BNC2: variants seen among roughly 807,000 people sequenced by gnomAD.
BNC2 encodes zinc finger protein basonuclin-2.
BNC2 carries 20 observed loss-of-function variants against 76.3 expected under a neutral mutation model. The ratio of observed to expected loss-of-function variants is 0.26; its 90% CI spans 0.18 to 0.38. BNC2 has a LOEUF of 0.38. Among genes scored for constraint, BNC2 ranks in the 10% least tolerant of loss-of-function variants. BNC2 has a pLI of 1.00. For missense variants in BNC2, 1,382 were observed against 1,399.8 expected (o/e 0.99, Z 0.20); for synonymous variants, 582 against 514.8 (o/e 1.13, Z -1.77).
At chr9:16,825,670 G>C (rs191723508) in intron 1 of BNC2, among the ~76,000 whole-genome samples, 5 of 152,212 alleles carry the variant, frequency 3.3e-5, no homozygotes, top group East Asian at 1.9e-4. Flanking sequence ...TTCTCCTATG[G>C]AGTGAGACTA....
At chr9:16,477,865 G>GA (rs1651368785) in intron 5 of BNC2, among the ~76,000 whole-genome samples, 1 of 152,146 alleles carries the variant, frequency 6.6e-6, no homozygotes, top group Admixed American at 6.5e-5. Flanking sequence ...GCAACTCATA[G>GA]AACAAAGGGG....
chr9:16,439,428 C>T (rs1226423890), intron 5 of BNC2, among the ~76,000 whole-genome samples: 1 of 152,058 alleles, frequency 6.6e-6, no homozygotes, highest in Non-Finnish European at 1.5e-5. Context: ...ATTGTGTGAT[C>T]CTAGACCAGA....
intron 1 of BNC2, among the ~76,000 whole-genome samples, chr9:16,770,550 G>T (rs2135454787): frequency 6.6e-6 from 1 of 152,144 alleles, no homozygotes; most frequent in South Asian, 2.1e-4. Context: ...TACCCACAAT[G>T]ACCATGGTAA....
At chr9:16,861,402 A>G (rs888662951) in intron 1 of BNC2, among the ~76,000 whole-genome samples, 2 of 152,058 alleles carry the variant, frequency 1.3e-5, no homozygotes, top group African/African-American at 2.4e-5. Flanking sequence ...AGAATAGGAT[A>G]AAGTATTTGC....
At chr9:16,791,502 T>C (rs1817510673) in intron 1 of BNC2, among the ~76,000 whole-genome samples, 1 of 152,168 alleles carries the variant, frequency 6.6e-6, no homozygotes, top group Admixed American at 6.5e-5. Flanking sequence ...CAAATACAAA[T>C]TATTTTAGAA....
At chr9:16,484,913 T>C (rs1217422492) in intron 5 of BNC2, among the ~76,000 whole-genome samples, 1 of 152,192 alleles carries the variant, frequency 6.6e-6, no homozygotes, top group African/African-American at 2.4e-5. Context: ...TACACATCCA[T>C]ATGTGAAGCT....
intron 3 of BNC2, among the ~76,000 whole-genome samples, chr9:16,617,019 T>C (rs1820725197): frequency 6.6e-6 from 1 of 152,186 alleles, no homozygotes; most frequent in African/African-American, 2.4e-5. Context: ...GTTTTGTGAA[T>C]TACAACAGGT....
At chr9:16,497,556 C>G (rs1300325739) in intron 5 of BNC2, among the ~76,000 whole-genome samples, 2 of 152,118 alleles carry the variant, frequency 1.3e-5, no homozygotes, top group Non-Finnish European at 2.9e-5. Context: ...GATCTCTGCT[C>G]TCATGGACCT....
At chr9:16,493,686 A>T (rs909584830) in intron 5 of BNC2, among the ~76,000 whole-genome samples, 6 of 152,230 alleles carry the variant, frequency 3.9e-5, no homozygotes, top group Non-Finnish European at 7.3e-5. Flanking sequence ...GCAAAAGGAT[A>T]AAAGTAAGGC....
intron 1 of BNC2, among the ~76,000 whole-genome samples, chr9:16,745,904 C>T (rs777243218): frequency 2.0e-5 from 3 of 152,110 alleles, no homozygotes; most frequent in Non-Finnish European, 4.4e-5. Context: ...TTTGCTTTAA[C>T]TAGGGGAGAC....
intron 5 of BNC2, among the ~76,000 whole-genome samples, chr9:16,541,334 C>T (rs930744900): frequency 6.6e-6 from 1 of 152,192 alleles, no homozygotes; most frequent in Non-Finnish European, 1.5e-5. Context: ...TTCCCTGGCT[C>T]AGCTATTATG....
At chr9:16,601,826 C>A (rs1325289256) in intron 3 of BNC2, among the ~76,000 whole-genome samples, 1 of 152,144 alleles carries the variant, frequency 6.6e-6, no homozygotes, top group African/African-American at 2.4e-5. Context: ...AGATTGCGTA[C>A]AACTGGCCGT....
At chr9:16,504,719 T>C (rs1822590276) in intron 5 of BNC2, among the ~76,000 whole-genome samples, 5 of 152,202 alleles carry the variant, frequency 3.3e-5, no homozygotes, top group African/African-American at 1.2e-4. Context: ...CAGTAGGACA[T>C]GCCTATAGTC....
chr9:16,813,111 T>C (rs1434179402), intron 1 of BNC2, among the ~76,000 whole-genome samples: 1 of 151,876 alleles, frequency 6.6e-6, no homozygotes, highest in African/African-American at 2.4e-5. Flanking sequence ...GGCAGGAGAA[T>C]CACTGGAACC....
Position 16,777,369 on chromosome 9 carries a change from T to C in BNC2, c.4-38884A>G, listed in dbSNP as rs552267541. 8.7e-4 allele frequency among the ~76,000 whole-genome samples: 133 copies of C among 152,054 alleles called. 2 individuals are homozygous for C. The South Asian group carries it at 0.027, about 31-fold the overall frequency. ...GAAAAACATGAGGAGCAAATTTGAA[T>C]TGAATTTATCATCAAACCTCAGGGA... is the stretch of plus-strand genomic sequence containing the variant. On this transcript the variant is annotated intron_variant, in intron 1 of 6. Transcript: ENST00000380672.
intron 3 of BNC2, among the ~76,000 whole-genome samples, chr9:16,636,128 G>A (rs1377712920): frequency 6.6e-6 from 1 of 152,160 alleles, no homozygotes; most frequent in Non-Finnish European, 1.5e-5. Flanking sequence ...AGACTGTTAA[G>A]ATGAGTGAAC....
chr9:16,549,422 A>G (rs565390687), intron 5 of BNC2, among the ~76,000 whole-genome samples: 109 of 152,344 alleles, frequency 7.2e-4, no homozygotes, highest in Non-Finnish European at 9.0e-4. Flanking sequence ...GTTGAGAGCA[A>G]TAATGCTAAA....
intron 4 of BNC2, among the ~76,000 whole-genome samples, chr9:16,564,097 T>C (rs570371015): frequency 2.6e-5 from 4 of 152,218 alleles, no homozygotes; most frequent in Admixed American, 2.6e-4. Flanking sequence ...GGTTAAAAAA[T>C]AATGACAGAA....
At chr9:16,667,574 C>A (rs1822337638) in intron 3 of BNC2, among the ~76,000 whole-genome samples, 1 of 152,202 alleles carries the variant, frequency 6.6e-6, no homozygotes, top group Admixed American at 6.5e-5. Flanking sequence ...ATACTTTCAA[C>A]TTCTTCTTGA....
Sources: allele counts gnomAD v4.1 joint callset (sites outside exome capture counted in the v4.1 genomes callset), GRCh38; gene constraint gnomAD v4.1.1; transcripts MANE v1.5; gene names NCBI Gene and HGNC (gene_info 2026-07-23, HGNC 2026-07-21).